Variants in CD4 observed in about 807,000 individuals in gnomAD.
CD4 encodes CD4 molecule.
A neutral mutation model predicts 50.5 loss-of-function variants in CD4; 25 were observed. The ratio of observed to expected loss-of-function variants is 0.49; its 90% CI spans 0.36 to 0.69. CD4 has a LOEUF of 0.69. Among genes scored for constraint, CD4 ranks in the 30% least tolerant of loss-of-function variants. CD4 has a pLI of 0.00. For missense variants in CD4, 456 were observed against 548.5 expected (o/e 0.83, Z 1.68); for synonymous variants, 207 against 221.9 (o/e 0.93, Z 0.60).
At chr12:6,793,768 T>A (rs1318406657) in intron 1 of CD4, among the ~76,000 whole-genome samples, 2 of 149,308 alleles carry the variant, frequency 1.3e-5, no homozygotes, top group African/African-American at 5.0e-5. Flanking sequence ...GCACTACAAG[T>A]AATCCCAAGT....
intron 5 of CD4, chr12:6,815,611 G>A: frequency 2.7e-6 from 2 of 741,978 alleles, no homozygotes; most frequent in Non-Finnish European, 4.1e-6. Flanking sequence ...AAATGGGGAT[G>A]ATGTTAACTG....
At chr12:6,808,450 C>CAAAAA (rs3032789) in intron 3 of CD4, among the ~76,000 whole-genome samples, 2,167 of 37,712 alleles carry the variant, frequency 0.057, 669 homozygotes, top group Non-Finnish European at 0.15. Context: ...GATTCTGTCT[C>CAAAAA]AAAAAAAAAA....
chr12:6,803,190 G>A (rs1254443723), intron 3 of CD4, among the ~76,000 whole-genome samples: 8 of 151,230 alleles, frequency 5.3e-5, no homozygotes, highest in Non-Finnish European at 8.9e-5. Flanking sequence ...TCATTTGGAC[G>A]CCTAGGCTGG....
At chr12:6,798,509 G>A (rs1185335887) in intron 1 of CD4, among the ~76,000 whole-genome samples, 5 of 152,074 alleles carry the variant, frequency 3.3e-5, no homozygotes, top group Admixed American at 2.0e-4. Flanking sequence ...ATTAAACCTT[G>A]ATTCAATACA....
intron 9 of CD4, among the ~76,000 whole-genome samples, 187 bp downstream of exon 9, chr12:6,819,101 T>G (rs1591568743): frequency 2.2e-5 from 3 of 138,756 alleles, no homozygotes; most frequent in East Asian, 2.1e-4. Context: ...GTGGAGAGGA[T>G]AGAGGGGTGG....
At position 6,818,341 on chromosome 12, in the gene CD4, A is replaced by G. The variant is rs1555118423; in HGVS notation, c.1157-80A>G. On this transcript the variant is annotated intron_variant, in intron 7 of 9. Transcript: ENST00000011653. The surrounding 1 kb of genome is among the most constrained non-coding windows in gnomAD (Gnocchi z 5.0). ...CCCAGGGTCAAACCAGAGACTGGCC[A>G]GGAGGGATTGCAGGGCAGTCCTCAG... 6.5e-7 allele frequency: 1 copy of G among 1,539,018 alleles called. No individual in the cohort carries two copies. Among genetic ancestry groups the G allele is most frequent in the Non-Finnish European group, 8.8e-7 (1 of 1,132,960 alleles).
rs552392901 is a variant in CD4 at position 6,792,644 on chromosome 12, C to T, written c.-68+2982C>T. ...TGCAGCCGGCTCCCTCACATCCACCCTGGGCTGCAGGCGTGCTCGGCAGGC... is the reference window on the plus strand; with the variant it reads ...TGCAGCCGGCTCCCTCACATCCACCTTGGGCTGCAGGCGTGCTCGGCAGGC... On this transcript the variant is annotated intron_variant, in intron 1 of 9. Coordinates refer to ENST00000011653, the MANE Select transcript of CD4 (RefSeq NM_000616.5). This position sits in a 1 kb window ranked among gnomAD's most constrained non-coding sequence, Gnocchi z 4.1. Among the ~76,000 whole-genome samples, 2 of 152,176 alleles carry T rather than the reference C, an allele frequency of 1.3e-5. No homozygotes were observed. The highest frequency in any genetic ancestry group is 2.9e-5 in the Non-Finnish European group (2 of 68,034).
intron 3 of CD4, among the ~76,000 whole-genome samples, chr12:6,802,683 C>T (rs1325284298): frequency 6.6e-6 from 1 of 151,998 alleles, no homozygotes; most frequent in Non-Finnish European, 1.5e-5. Flanking sequence ...CTGTATATAC[C>T]TTTTTTCCTA....
At chr12:6,791,111 A>AT (rs1311335978) in intron 1 of CD4, among the ~76,000 whole-genome samples, 1 of 152,196 alleles carries the variant, frequency 6.6e-6, no homozygotes, top group Non-Finnish European at 1.5e-5. Context: ...GGAGAGGTCT[A>AT]TATCTAGATA....
At chr12:6,793,649 C>CATCTATCT (rs56153037) in intron 1 of CD4, among the ~76,000 whole-genome samples, 9 of 128,206 alleles carry the variant, frequency 7.0e-5, no homozygotes, top group East Asian at 2.3e-4. Context: ...ATCTATCTAT[C>CATCTATCT]ATCTATCTAT....
chr12:6,809,509 T>A (rs1363119163), intron 3 of CD4, among the ~76,000 whole-genome samples: 3 of 150,470 alleles, frequency 2.0e-5, no homozygotes, highest in Non-Finnish European at 3.0e-5. Flanking sequence ...AAAAAAAAAA[T>A]GTTCTAGTTT....
intron 3 of CD4, among the ~76,000 whole-genome samples, chr12:6,807,059 C>T (rs953296779): frequency 1.3e-5 from 2 of 151,764 alleles, no homozygotes; most frequent in South Asian, 4.2e-4. Context: ...CCCAGCTACT[C>T]GGGAGGCTGA....
In CD4 at chr12:6,804,109, T is replaced by G. The variant is rs782356567; in HGVS notation, c.214+3638T>G. On this transcript the variant is annotated intron_variant, in intron 3 of 9. Coordinates refer to ENST00000011653, the MANE Select transcript of CD4 (RefSeq NM_000616.5). ...CTAGGCGACAGAGCAAGACTCTGTCTCAAAATAAATAAATAAATAAATAAA... is the reference window on the plus strand; with the variant it reads ...CTAGGCGACAGAGCAAGACTCTGTCGCAAAATAAATAAATAAATAAATAAA... Among the ~76,000 whole-genome samples the G allele has an allele frequency of 1.3e-4, 13 of 100,606 alleles. 2 individuals are homozygous for G. In the South Asian group the frequency reaches 4.2e-3, roughly 33 times the overall value. The allele number at this position is 100,606 out of a possible 152,430, so 66.0% of individuals were successfully genotyped here.
In CD4 at chr12:6,792,136, C is replaced by T. The variant is rs772546227; in HGVS notation, c.-68+2474C>T. 2.0e-5 allele frequency among the ~76,000 whole-genome samples: 3 copies of T among 152,038 alleles called. No individual in the cohort carries two copies. The highest frequency in any genetic ancestry group is 4.4e-5 in the Non-Finnish European group (3 of 67,986). Reference sequence around the variant, plus strand: ...TAGTCAGCAGTAGAGAGGGTGAACGCGGTGGGGCACATCCCGCGGCTGGGC... The same window carrying T: ...TAGTCAGCAGTAGAGAGGGTGAACGTGGTGGGGCACATCCCGCGGCTGGGC... On this transcript the variant is annotated intron_variant, in intron 1 of 9. Coordinates refer to ENST00000011653, the MANE Select transcript of CD4 (RefSeq NM_000616.5). This position sits in a 1 kb window ranked among gnomAD's most constrained non-coding sequence, Gnocchi z 4.1.
At chr12:6,794,847 C>T (rs556870615) in intron 1 of CD4, among the ~76,000 whole-genome samples, 5 of 137,920 alleles carry the variant, frequency 3.6e-5, no homozygotes, top group Admixed American at 1.6e-4. Flanking sequence ...TGCGGTGGCG[C>T]GATCTCAGCT....
chr12:6,792,459 C>T lies in CD4; in HGVS notation c.-68+2797C>T, dbSNP rs775020732. On this transcript the variant is annotated intron_variant, in intron 1 of 9. Transcript: ENST00000011653. The surrounding 1 kb of genome is among the most constrained non-coding windows in gnomAD (Gnocchi z 4.1). ...TTTCCTCTTTTTTTGTACTACCCTGCGCTTTGTGTGTGATTGTGGATTGTG... is the reference window on the plus strand; with the variant it reads ...TTTCCTCTTTTTTTGTACTACCCTGTGCTTTGTGTGTGATTGTGGATTGTG... Among the ~76,000 whole-genome samples, 9 of 152,116 alleles carry T rather than the reference C, an allele frequency of 5.9e-5. No homozygotes were observed. Among genetic ancestry groups the T allele is most frequent in the South Asian group, 2.1e-4 (1 of 4,832 alleles).
intron 3 of CD4, 131 bp from the exon 4 acceptor site, chr12:6,814,011 C>T: frequency 1.3e-6 from 1 of 779,096 alleles, no homozygotes. Flanking sequence ...CCGGGTTTCT[C>T]TGATTAGAAC....
intron 3 of CD4, among the ~76,000 whole-genome samples, chr12:6,807,784 A>G (rs1942810094): frequency 6.6e-6 from 1 of 152,180 alleles, no homozygotes; most frequent in Non-Finnish European, 1.5e-5. Context: ...TCTCAAAATA[A>G]TAAGTTTAGT....
chr12:6,802,819 C>T (rs1234350470), intron 3 of CD4, among the ~76,000 whole-genome samples: 3 of 152,150 alleles, frequency 2.0e-5, no homozygotes, highest in Non-Finnish European at 4.4e-5. Flanking sequence ...TCGCTGCAAC[C>T]TCTGCCTCCC....
Sources: allele counts gnomAD v4.1 joint callset (sites outside exome capture counted in the v4.1 genomes callset), GRCh38; gene constraint gnomAD v4.1.1; non-coding constraint Gnocchi (gnomAD v3.1); transcripts MANE v1.5; gene names NCBI Gene and HGNC (gene_info 2026-07-23, HGNC 2026-07-21).